STK32B: variants seen among roughly 807,000 people sequenced by gnomAD.
STK32B encodes serine/threonine kinase 32B.
In STK32B, 43 loss-of-function variants were observed where a neutral mutation model predicts 52.6. That is an observed-to-expected ratio of 0.82 (90% confidence interval 0.64 to 1.05). The LOEUF (loss-of-function observed/expected upper bound fraction) is 1.05, where lower values mean the gene tolerates loss of function less well. Among genes scored for constraint, STK32B ranks in the 50% least tolerant of loss-of-function variants. STK32B has a pLI of 0.00. For synonymous variants in STK32B, 238 were observed against 204.3 expected (o/e 1.17, Z -1.41); for missense variants, 621 against 534.6 (o/e 1.16, Z -1.59).
intron 3 of STK32B, among the ~76,000 whole-genome samples, chr4:5,175,157 C>A (rs1046369214): frequency 1.1e-4 from 17 of 152,104 alleles, no homozygotes. Context: ...TCCATCAGGT[C>A]CTTTAAGGAC....
At chr4:5,297,186 C>A (rs1729259227) in intron 3 of STK32B, among the ~76,000 whole-genome samples, 1 of 152,174 alleles carries the variant, frequency 6.6e-6, no homozygotes, top group South Asian at 2.1e-4. Flanking sequence ...GTAACCTGAC[C>A]TTTCTCTCTG....
At position 5,168,409 on chromosome 4, in the gene STK32B, G is replaced by A; in HGVS notation, c.219G>A (p.Gln73=). ...DEVRNVFREL[Q]IMQGLEHPFL... ...TTCGGAATGTTTTCCGGGAGCTGCA[G>A]ATCATGCAAGGGCTGGAGCACCCCT... is the stretch of plus-strand genomic sequence containing the variant. Residue 73 remains glutamine, a synonymous_variant, in exon 3 of 12, where the codon CAG becomes CAA. Transcript: ENST00000282908. 6.2e-7 allele frequency: 1 copy of A among 1,613,974 alleles called. No individual in the cohort carries two copies.
At chr4:5,049,201 GT>G (rs879582644), upstream of STK32B, among the ~76,000 whole-genome samples, 581 of 143,728 alleles carry the variant, frequency 4.0e-3, 5 homozygotes, top group African/African-American at 0.013. Flanking sequence ...CTTTTCTTTT[GT>G]TTTTTTTTTT....
At chr4:5,279,618 G>A (rs951612513) in intron 3 of STK32B, among the ~76,000 whole-genome samples, 33 of 152,172 alleles carry the variant, frequency 2.2e-4, no homozygotes, top group African/African-American at 7.7e-4. Context: ...GTGCCCCAGT[G>A]GGGACTCTGT....
intron 3 of STK32B, among the ~76,000 whole-genome samples, chr4:5,181,200 GC>G (rs1454857998): frequency 6.6e-6 from 1 of 152,236 alleles, no homozygotes; most frequent in African/African-American, 2.4e-5. Flanking sequence ...TGAAACCCTA[GC>G]CCCCAATGTC....
At chr4:5,200,492 C>T (rs1577183629) in intron 3 of STK32B, among the ~76,000 whole-genome samples, 2 of 152,246 alleles carry the variant, frequency 1.3e-5, no homozygotes, top group South Asian at 2.1e-4. Context: ...CCCACATGCT[C>T]CCCTTCTCCT....
intron 7 of STK32B, among the ~76,000 whole-genome samples, chr4:5,451,170 G>A (rs998789994): frequency 8.5e-5 from 13 of 152,226 alleles, no homozygotes; most frequent in Non-Finnish European, 1.2e-4. Flanking sequence ...CACACACAAC[G>A]ATGATTCCAC....
At chr4:5,319,131 C>T (rs1364036081) in intron 3 of STK32B, among the ~76,000 whole-genome samples, 14 of 152,184 alleles carry the variant, frequency 9.2e-5, no homozygotes, top group Admixed American at 3.9e-4. Flanking sequence ...CTCAAGCACT[C>T]ATTATGTGTC....
chr4:5,442,197 A>G lies in STK32B; in HGVS notation c.563-4476A>G, dbSNP rs1197887167. Among the ~76,000 whole-genome samples, 3 of 136,642 alleles carry G rather than the reference A, an allele frequency of 2.2e-5. No individual in the cohort carries two copies. The Admixed American group carries it at 2.3e-4, about 10-fold the overall frequency. The allele number at this position is 136,642 out of a possible 152,430, so 89.6% of individuals were successfully genotyped here. ...TCTCGTTGATCTGTCTAATGTTGACAGTGGGGTGTTAAAGTCTCCCATTAT... is the reference window on the plus strand; with the variant it reads ...TCTCGTTGATCTGTCTAATGTTGACGGTGGGGTGTTAAAGTCTCCCATTAT... On this transcript the variant is annotated intron_variant, in intron 6 of 11. Transcript: ENST00000282908.
chr4:5,336,104 G>A (rs1186666711), intron 4 of STK32B, among the ~76,000 whole-genome samples: 1 of 148,572 alleles, frequency 6.7e-6, no homozygotes, highest in African/African-American at 2.5e-5. Flanking sequence ...TTGGGATACT[G>A]TACTAACAAT....
chr4:5,473,862 C>T (rs1444640559), intron 11 of STK32B, among the ~76,000 whole-genome samples: 1 of 152,156 alleles, frequency 6.6e-6, no homozygotes. Flanking sequence ...CACCTGTAAT[C>T]CCAGCACTTT....
chr4:5,329,223 C>T (rs1003701025), intron 3 of STK32B, among the ~76,000 whole-genome samples: 2 of 152,092 alleles, frequency 1.3e-5, no homozygotes, highest in Admixed American at 1.3e-4. Flanking sequence ...TCCTGTGAGT[C>T]TCTGATAGGA....
the STK32B span, among the ~76,000 whole-genome samples, chr4:5,032,896 C>G: frequency 3.6e-4 from 55 of 152,086 alleles, no homozygotes; most frequent in African/African-American, 1.3e-3. Context: ...CAGTTGAACT[C>G]TCTGAGCTCA....
chr4:5,129,141 A>G (rs1274217874), intron 1 of STK32B, among the ~76,000 whole-genome samples: 2 of 152,222 alleles, frequency 1.3e-5, no homozygotes, highest in Non-Finnish European at 2.9e-5. Context: ...CATGTTAGGC[A>G]GTGAGCTTTA....
intron 3 of STK32B, among the ~76,000 whole-genome samples, chr4:5,170,233 G>A (rs1415002633): frequency 6.6e-6 from 1 of 152,156 alleles, no homozygotes. Flanking sequence ...ATGCCTAGTG[G>A]AGCTTGTATG....
At chr4:5,405,166 G>A (rs1737575757) in intron 5 of STK32B, among the ~76,000 whole-genome samples, 1 of 151,954 alleles carries the variant, frequency 6.6e-6, no homozygotes, top group Admixed American at 6.6e-5. Context: ...GCTAGGATGT[G>A]TGTGAGACCT....
At chr4:5,106,719 A>G (rs753315699) in intron 1 of STK32B, among the ~76,000 whole-genome samples, 34 of 152,144 alleles carry the variant, frequency 2.2e-4, no homozygotes, top group Non-Finnish European at 2.9e-4. Flanking sequence ...CTTTTAATCT[A>G]TAATAGTTGT....
At chr4:5,200,664 C>T (rs1442745451) in intron 3 of STK32B, among the ~76,000 whole-genome samples, 1 of 152,216 alleles carries the variant, frequency 6.6e-6, no homozygotes, top group Non-Finnish European at 1.5e-5. Context: ...AAAATGGAAA[C>T]TTCTTCCTCC....
At chr4:5,172,466 A>G (rs1719466899) in intron 3 of STK32B, among the ~76,000 whole-genome samples, 2 of 151,744 alleles carry the variant, frequency 1.3e-5, no homozygotes, top group Admixed American at 1.3e-4. Flanking sequence ...AGCTCTTATT[A>G]TTTTGAGATA....
Sources: gnomAD v4.1 joint callset for allele counts (sites outside exome capture counted in the v4.1 genomes callset) on GRCh38, gnomAD v4.1.1 for gene constraint, MANE v1.5 for transcripts, NCBI Gene and HGNC (gene_info 2026-07-23, HGNC 2026-07-21) for gene names.